Variants in TMEM132C observed in about 807,000 individuals in gnomAD.
The protein encoded by TMEM132C is protein phosphatase 1, regulatory subunit 152.
In TMEM132C, 29 loss-of-function variants were observed where a neutral mutation model predicts 61.4. The observed-to-expected ratio is 0.47, with a 90% confidence interval of 0.35 to 0.64. The LOEUF (loss-of-function observed/expected upper bound fraction) is 0.64, where lower values mean the gene tolerates loss of function less well. Among genes scored for constraint, TMEM132C ranks in the 30% least tolerant of loss-of-function variants. TMEM132C has a pLI of 0.00. For missense variants in TMEM132C, 1,408 were observed against 1,476.9 expected (o/e 0.95, Z 0.76); for synonymous variants, 656 against 633.1 (o/e 1.04, Z -0.54).
chr12:128,485,412 G>C lies in TMEM132C; in HGVS notation c.975-58545G>C, dbSNP rs576017186. Among the ~76,000 whole-genome samples, 12 of 152,196 alleles carry C rather than the reference G, an allele frequency of 7.9e-5. 1 individual carries two copies. The South Asian group carries it at 2.5e-3, about 32-fold the overall frequency. ...GGCTGGTCTCGAACTCCTGACCTCA[G>C]GTGATTCGCCCACCTCGGCCTCCCA... is the stretch of plus-strand genomic sequence containing the variant. On this transcript the variant is annotated intron_variant, in intron 2 of 8. Coordinates refer to ENST00000435159, the MANE Select transcript of TMEM132C (RefSeq NM_001136103.3).
At chr12:128,486,559 CTT>C (rs1166698519) in intron 2 of TMEM132C, among the ~76,000 whole-genome samples, 2 of 152,158 alleles carry the variant, frequency 1.3e-5, no homozygotes, top group Non-Finnish European at 2.9e-5. Flanking sequence ...GTCGCTAAGA[CTT>C]TGAAAATACT....
intron 4 of TMEM132C, among the ~76,000 whole-genome samples, chr12:128,628,626 C>G: frequency 7.0e-6 from 1 of 142,520 alleles, no homozygotes; most frequent in East Asian, 1.9e-4. Context: ...AGCGGACACT[C>G]TATCAGTAGC....
At position 128,326,546 on chromosome 12, in the gene TMEM132C, T is replaced by C. The variant is rs1285664731; in HGVS notation, c.85+59059T>C. 6.6e-6 allele frequency among the ~76,000 whole-genome samples: 1 copy of C among 152,170 alleles called. No individual in the cohort carries two copies. Among genetic ancestry groups the C allele is most frequent in the Non-Finnish European group, 1.5e-5 (1 of 68,026 alleles). ...TAGTGTGAGGTGGAGCAGCCCAGGC[T>C]TCCACAATATCTAGAATTGGAACAG... On this transcript the variant is annotated intron_variant, in intron 1 of 8. Transcript: ENST00000435159. This position sits in a 1 kb window ranked among gnomAD's most constrained non-coding sequence, Gnocchi z 5.6.
At chr12:128,661,448 G>C (rs1029569494) in intron 4 of TMEM132C, among the ~76,000 whole-genome samples, 1 of 152,080 alleles carries the variant, frequency 6.6e-6, no homozygotes, top group Non-Finnish European at 1.5e-5. Context: ...CTCACACGCT[G>C]CTGCTCAGAG....
intron 2 of TMEM132C, among the ~76,000 whole-genome samples, chr12:128,490,037 C>T (rs553064648): frequency 1.6e-4 from 25 of 152,258 alleles, no homozygotes; most frequent in African/African-American, 5.5e-4. Context: ...ACATTTCAGC[C>T]GTTCCTTCAA....
chr12:128,334,366 C>T (rs1005683926), intron 1 of TMEM132C, among the ~76,000 whole-genome samples: 16 of 152,164 alleles, frequency 1.1e-4, no homozygotes, highest in African/African-American at 3.1e-4. Context: ...GAGCCAGCTC[C>T]GGGGCCCGTG....
At chr12:128,612,488 C>T (rs1876668230) in intron 3 of TMEM132C, among the ~76,000 whole-genome samples, 1 of 152,192 alleles carries the variant, frequency 6.6e-6, no homozygotes, top group African/African-American at 2.4e-5. Context: ...ATGTTCCAAA[C>T]AGGATCCTGC....
intron 1 of TMEM132C, among the ~76,000 whole-genome samples, chr12:128,342,974 C>T (rs77253338): frequency 2.0e-5 from 3 of 152,262 alleles, no homozygotes; most frequent in Non-Finnish European, 2.9e-5. Flanking sequence ...ATCCTTTGAT[C>T]GTGCAAAGTA....
At chr12:128,616,471 C>A in intron 4 of TMEM132C, 136 bp downstream of exon 4, 2 of 938,366 alleles carry the variant, frequency 2.1e-6, no homozygotes, top group African/African-American at 1.7e-5. Context: ...TCTTTCCTCA[C>A]CCTGGAAGTT....
At chr12:128,508,938 A>G (rs1174607491) in intron 2 of TMEM132C, among the ~76,000 whole-genome samples, 1 of 152,164 alleles carries the variant, frequency 6.6e-6, no homozygotes, top group Non-Finnish European at 1.5e-5. Flanking sequence ...CTCCTAACAA[A>G]GACTGAGCTT....
intron 3 of TMEM132C, among the ~76,000 whole-genome samples, chr12:128,553,952 G>C (rs7964264): frequency 0.024 from 3,694 of 152,272 alleles, 163 homozygotes; most frequent in African/African-American, 0.084. Context: ...TGCAGCTCCG[G>C]GGGTGTCTGT....
chr12:128,512,000 G>A (rs559597954), intron 2 of TMEM132C, among the ~76,000 whole-genome samples: 2 of 152,254 alleles, frequency 1.3e-5, no homozygotes, highest in Middle Eastern at 6.8e-3. Flanking sequence ...CACTCCCAAG[G>A]GCTGCTGTGT....
chr12:128,381,207 G>C lies in TMEM132C; in HGVS notation c.86-33525G>C, dbSNP rs540800519. 4.6e-5 allele frequency among the ~76,000 whole-genome samples: 7 copies of C among 152,332 alleles called. No individual in the cohort carries two copies. In the South Asian group the frequency reaches 1.4e-3, roughly 32 times the overall value. On this transcript the variant is annotated intron_variant, in intron 1 of 8. Coordinates refer to ENST00000435159, the MANE Select transcript of TMEM132C (RefSeq NM_001136103.3). ...AACGTGCTTTGAGCCACTCAAAACT[G>C]TCTCTGCACCGCCTTATTGGGGGAA... is the stretch of plus-strand genomic sequence containing the variant.
intron 1 of TMEM132C, among the ~76,000 whole-genome samples, chr12:128,366,126 G>A (rs1273723704): frequency 2.0e-5 from 3 of 152,176 alleles, no homozygotes; most frequent in Admixed American, 6.5e-5. Flanking sequence ...AGGATGAGGC[G>A]CCTGCTCGGC....
chr12:128,472,487 G>T (rs1870985103), intron 2 of TMEM132C, among the ~76,000 whole-genome samples: 1 of 152,228 alleles, frequency 6.6e-6, no homozygotes, highest in African/African-American at 2.4e-5. Flanking sequence ...GCCTGAGGGG[G>T]CTCCAGGTCC....
chr12:128,393,377 C>G (rs541916455), intron 1 of TMEM132C, among the ~76,000 whole-genome samples: 2 of 152,296 alleles, frequency 1.3e-5, no homozygotes, highest in South Asian at 2.1e-4. Flanking sequence ...AAAATAGACT[C>G]TCCTTCCTAG....
intron 3 of TMEM132C, among the ~76,000 whole-genome samples, chr12:128,583,392 CAAAA>C (rs11327866): frequency 7.7e-6 from 1 of 130,246 alleles, no homozygotes. Flanking sequence ...GAATATTGGT[CAAAA>C]AAAAAAAAAA....
At chr12:128,418,487 C>CT in intron 2 of TMEM132C, among the ~76,000 whole-genome samples, 1 of 152,354 alleles carries the variant, frequency 6.6e-6, no homozygotes, top group Middle Eastern at 3.4e-3. Flanking sequence ...TTCTCTCCCC[C>CT]TCTGTCCAAT....
At chr12:128,299,089 CA>C (rs1385555464) in intron 1 of TMEM132C, among the ~76,000 whole-genome samples, 1 of 152,096 alleles carries the variant, frequency 6.6e-6, no homozygotes, top group African/African-American at 2.4e-5. Flanking sequence ...TATGAAAATC[CA>C]TGTATCCTGA....
Sources: allele counts gnomAD v4.1 joint callset (sites outside exome capture counted in the v4.1 genomes callset), GRCh38; gene constraint gnomAD v4.1.1; non-coding constraint Gnocchi (gnomAD v3.1); transcripts MANE v1.5; gene names NCBI Gene and HGNC (gene_info 2026-07-23, HGNC 2026-07-21).